The following CTNNA3 variants were observed in gnomAD, a reference collection of about 807,000 sequenced individuals.
CTNNA3 encodes the protein catenin alpha-3.
A neutral mutation model predicts 95.7 loss-of-function variants in CTNNA3; 76 were observed. That is an observed-to-expected ratio of 0.79 (90% confidence interval 0.66 to 0.96). The LOEUF is 0.96. CTNNA3 is among the 40% of genes least tolerant of loss of function. The probability of loss-of-function intolerance (pLI) is 0.00; values close to 1 mark genes in which losing one functional copy is unlikely to be tolerated. For missense variants in CTNNA3, 1,191 were observed against 1,089.8 expected, an observed-to-expected ratio of 1.09 and a Z score of -1.31; for synonymous variants, 431 against 374.4, an observed-to-expected ratio of 1.15 and a Z score of -1.74.
chr10:66,864,700 T>G (rs1211045297), intron 7 of CTNNA3, among the ~76,000 whole-genome samples: 1 of 152,176 alleles, frequency 6.6e-6, no homozygotes, highest in Admixed American at 6.6e-5. Context: ...GTTTCTATTT[T>G]GCAACATTGC....
intron 11 of CTNNA3, among the ~76,000 whole-genome samples, chr10:66,384,006 A>G (rs2092866082): frequency 6.6e-6 from 1 of 152,220 alleles, no homozygotes; most frequent in Non-Finnish European, 1.5e-5. Flanking sequence ...CAAATTGTAA[A>G]GACCATCGAT....
chr10:67,069,610 T>C (rs1856322489), intron 7 of CTNNA3, among the ~76,000 whole-genome samples: 1 of 113,576 alleles, frequency 8.8e-6, no homozygotes, highest in African/African-American at 3.4e-5. Context: ...GTAAACACTA[T>C]CCTGACCTAA....
chr10:67,271,932 T>C (rs1838995452), intron 5 of CTNNA3, among the ~76,000 whole-genome samples: 2 of 152,200 alleles, frequency 1.3e-5, no homozygotes, highest in Non-Finnish European at 2.9e-5. Context: ...GATGGCTTAA[T>C]TGCACAGCAG....
chr10:66,352,296 G>C (rs4375337), intron 12 of CTNNA3, among the ~76,000 whole-genome samples: 53,350 of 151,902 alleles, frequency 0.35, 11,137 homozygotes, highest in Non-Finnish European at 0.46. Flanking sequence ...TTTTCAGGCA[G>C]AGCCTCTTTA....
rs10740267 is a variant in CTNNA3 at position 67,091,367 on chromosome 10, T to G, written c.1047+88950A>C. Reference sequence around the variant, plus strand: ...AAACATACATGCATAAATATATACATGTATATATTTAAGGAATATATGTAA... The same window carrying G: ...AAACATACATGCATAAATATATACAGGTATATATTTAAGGAATATATGTAA... On this transcript the variant is annotated intron_variant, in intron 7 of 17. Coordinates refer to ENST00000433211, the MANE Select transcript of CTNNA3 (RefSeq NM_013266.4). Among the ~76,000 whole-genome samples the G allele has an allele frequency of 5.3e-5, 8 of 151,738 alleles. No individual in the cohort carries two copies. The South Asian group carries it at 1.7e-3, about 32-fold the overall frequency.
intron 13 of CTNNA3, among the ~76,000 whole-genome samples, chr10:66,122,662 T>C (rs2082633528): frequency 6.6e-6 from 1 of 152,168 alleles, no homozygotes; most frequent in South Asian, 2.1e-4. Flanking sequence ...GATAAAGACA[T>C]ACCAAAGACT....
At chr10:66,365,710 G>A (rs1303243100) in intron 12 of CTNNA3, among the ~76,000 whole-genome samples, 1 of 151,880 alleles carries the variant, frequency 6.6e-6, no homozygotes, top group Non-Finnish European at 1.5e-5. Flanking sequence ...GCGATGGTAT[G>A]CCACTTTAGA....
chr10:67,629,452 T>C (rs1314313693), intron 2 of CTNNA3, among the ~76,000 whole-genome samples: 2 of 152,106 alleles, frequency 1.3e-5, no homozygotes, highest in Non-Finnish European at 2.9e-5. Flanking sequence ...GCAGATACGC[T>C]GGTTTGGGAG....
intron 17 of CTNNA3, among the ~76,000 whole-genome samples, chr10:65,940,120 T>A (rs572893597): frequency 2.0e-5 from 3 of 152,252 alleles, no homozygotes; most frequent in Non-Finnish European, 4.4e-5. Context: ...CCTTAACACA[T>A]AAAGAGCATT....
At chr10:66,230,726 G>C (rs2089545249) in intron 13 of CTNNA3, among the ~76,000 whole-genome samples, 1 of 152,136 alleles carries the variant, frequency 6.6e-6, no homozygotes, top group Non-Finnish European at 1.5e-5. Flanking sequence ...CAGGGTCCCT[G>C]ATGGTGATGG....
intron 7 of CTNNA3, among the ~76,000 whole-genome samples, chr10:67,177,193 C>A (rs956958585): frequency 1.8e-4 from 27 of 152,154 alleles, no homozygotes; most frequent in African/African-American, 5.8e-4. Flanking sequence ...TCATTTCTTG[C>A]TAATTTCTTC....
At chr10:66,883,520 AC>A (rs1844924242) in intron 7 of CTNNA3, among the ~76,000 whole-genome samples, 1 of 152,144 alleles carries the variant, frequency 6.6e-6, no homozygotes, top group South Asian at 2.1e-4. Flanking sequence ...CACCTGTTGC[AC>A]CTAAAATGCT....
Position 67,122,690 on chromosome 10 carries a change from G to A in CTNNA3, c.1047+57627C>T, listed in dbSNP as rs74145110. 5.7e-3 allele frequency among the ~76,000 whole-genome samples: 864 copies of A among 152,148 alleles called. 6 individuals are homozygous for A. Among genetic ancestry groups the A allele is most frequent in the African/African-American group, 0.018 (748 of 41,524 alleles). ...TGTTTCCAGATTTAAAAAGCATTAA[G>A]GGATGTCTTTGTGAGCCAAAATAGA... On this transcript the variant is annotated intron_variant, in intron 7 of 17. Coordinates refer to ENST00000433211, the MANE Select transcript of CTNNA3 (RefSeq NM_013266.4).
chr10:67,072,766 C>A (rs148043987), intron 7 of CTNNA3, among the ~76,000 whole-genome samples: 3 of 152,164 alleles, frequency 2.0e-5, no homozygotes, highest in Non-Finnish European at 4.4e-5. Context: ...CTAACAGCTA[C>A]AAAATTTGGT....
chr10:66,379,123 T>C (rs2092816450), intron 12 of CTNNA3, 29 bp downstream of exon 12: 1 of 1,536,660 alleles, frequency 6.5e-7, no homozygotes, highest in South Asian at 1.1e-5. Flanking sequence ...TAAGAGAAAT[T>C]GTGCAGCTGT....
At chr10:66,569,198 G>C (rs912891621) in intron 10 of CTNNA3, among the ~76,000 whole-genome samples, 1 of 152,086 alleles carries the variant, frequency 6.6e-6, no homozygotes, top group Non-Finnish European at 1.5e-5. Context: ...CATAGGAGGA[G>C]AGAAAGGGGA....
At chr10:67,401,331 C>G (rs1844913203) in intron 5 of CTNNA3, among the ~76,000 whole-genome samples, 1 of 152,134 alleles carries the variant, frequency 6.6e-6, no homozygotes. Flanking sequence ...GGACTAGATA[C>G]AGTCAGAAAT....
intron 7 of CTNNA3, among the ~76,000 whole-genome samples, chr10:67,008,450 T>C (rs901708999): frequency 2.6e-5 from 4 of 152,202 alleles, no homozygotes; most frequent in Non-Finnish European, 5.9e-5. Flanking sequence ...TGAAATTCAC[T>C]ACAGCTTTTT....
intron 5 of CTNNA3, among the ~76,000 whole-genome samples, chr10:67,400,762 A>G (rs1844886860): frequency 1.3e-5 from 2 of 152,206 alleles, no homozygotes; most frequent in Admixed American, 1.3e-4. Context: ...ATGTAATTTA[A>G]TGTCTTACAG....
Sources: gnomAD v4.1 joint callset for allele counts (sites outside exome capture counted in the v4.1 genomes callset) on GRCh38, gnomAD v4.1.1 for gene constraint, MANE v1.5 for transcripts, NCBI Gene and HGNC (gene_info 2026-07-23, HGNC 2026-07-21) for gene names.